SLF1: variants seen among roughly 807,000 people sequenced by gnomAD.
SLF1 encodes the protein SMC5/6 complex localization factor 1, also known as SMC5-SMC6 complex localization factor protein 1.
SLF1 carries 105 observed loss-of-function variants against 123.0 expected under a neutral mutation model. The observed-to-expected ratio is 0.85, with a 90% CI of 0.73 to 1.00. SLF1 has a LOEUF of 1.00. Among genes scored for constraint, SLF1 ranks in the 50% least tolerant of loss-of-function variants. SLF1 has a pLI of 0.00. For synonymous variants in SLF1, 434 were observed against 406.6 expected (o/e 1.07, Z -0.81); for missense variants, 1,239 against 1,223.0 (o/e 1.01, Z -0.20).
At chr5:94,632,526 T>C (rs1421810320) in intron 4 of SLF1, among the ~76,000 whole-genome samples, 1 of 152,344 alleles carries the variant, frequency 6.6e-6, no homozygotes, top group African/African-American at 2.4e-5. Flanking sequence ...TGTTCTTTAA[T>C]GTCTTATAGT....
At chr5:94,650,831 A>G (rs1219739348) in intron 6 of SLF1, among the ~76,000 whole-genome samples, 3 of 152,214 alleles carry the variant, frequency 2.0e-5, no homozygotes, top group Admixed American at 6.5e-5. Flanking sequence ...CTTGTGAAAT[A>G]TACATTGTAA....
intron 1 of SLF1, among the ~76,000 whole-genome samples, chr5:94,621,726 A>G (rs907149794): frequency 6.6e-6 from 1 of 151,740 alleles, no homozygotes; most frequent in Non-Finnish European, 1.5e-5. Flanking sequence ...TTTTTTTCTC[A>G]CCATATTCAC....
At chr5:94,674,097 T>C (rs1298366176) in intron 14 of SLF1, among the ~76,000 whole-genome samples, 1 of 151,228 alleles carries the variant, frequency 6.6e-6, no homozygotes, top group Non-Finnish European at 1.5e-5. Flanking sequence ...CATCTGTCTT[T>C]TTATTTACTT....
intron 20 of SLF1, among the ~76,000 whole-genome samples, chr5:94,694,347 A>G (rs1339187005): frequency 6.6e-6 from 1 of 151,924 alleles, no homozygotes; most frequent in Non-Finnish European, 1.5e-5. Context: ...AGCAAGGGTA[A>G]TATGAAAACT....
intron 4 of SLF1, among the ~76,000 whole-genome samples, chr5:94,635,799 A>G (rs1561427363): frequency 2.0e-5 from 3 of 152,134 alleles, no homozygotes; most frequent in Middle Eastern, 3.2e-3. Flanking sequence ...AGATTTGTCT[A>G]TTAACCACTG....
intron 4 of SLF1, among the ~76,000 whole-genome samples, chr5:94,635,122 C>T (rs1445073547): frequency 6.8e-6 from 1 of 147,224 alleles, no homozygotes; most frequent in African/African-American, 2.5e-5. Flanking sequence ...AGACTAATGT[C>T]CTGTAGTTTA....
At chr5:94,641,004 T>C (rs927481291) in intron 4 of SLF1, among the ~76,000 whole-genome samples, 7 of 152,200 alleles carry the variant, frequency 4.6e-5, no homozygotes, top group African/African-American at 1.7e-4. Flanking sequence ...TTTTGTATGT[T>C]GTGTATTTTT....
chr5:94,655,612 T>A (rs1675250423), intron 9 of SLF1, among the ~76,000 whole-genome samples: 1 of 152,150 alleles, frequency 6.6e-6, no homozygotes, highest in Admixed American at 6.5e-5. Flanking sequence ...TGTGTCCATG[T>A]CGATTTCTTT....
At chr5:94,624,239 C>T (rs865965566) in intron 1 of SLF1, among the ~76,000 whole-genome samples, 20 of 152,074 alleles carry the variant, frequency 1.3e-4, no homozygotes, top group Admixed American at 1.3e-4. Context: ...CTTCCCTTTC[C>T]TCCGCATGTT....
intron 9 of SLF1, 89 bp downstream of exon 9, chr5:94,654,841 G>A (rs1748188567): frequency 2.2e-6 from 2 of 926,226 alleles, no homozygotes; most frequent in Non-Finnish European, 1.4e-6. Context: ...ATATACATAT[G>A]ATTCATTAGT....
At chr5:94,664,231 A>G (rs1184827374) in intron 11 of SLF1, among the ~76,000 whole-genome samples, 1 of 152,214 alleles carries the variant, frequency 6.6e-6, no homozygotes, top group Non-Finnish European at 1.5e-5. Flanking sequence ...ACATTTGGTA[A>G]ATTACTCCAT....
At chr5:94,643,642 T>G (rs3756470) in intron 5 of SLF1, among the ~76,000 whole-genome samples, 5,515 of 152,180 alleles carry the variant, frequency 0.036, 225 homozygotes, top group East Asian at 0.21. Context: ...GCTTACTAGT[T>G]AAGTTTAACA....
chr5:94,678,555 A>G (rs1454402513), intron 14 of SLF1: 1 of 262,406 alleles, frequency 3.8e-6, no homozygotes, highest in African/African-American at 2.2e-5. Flanking sequence ...GGATAAAATT[A>G]AAGTTTATTC....
At position 94,654,767 on chromosome 5, in the gene SLF1, A is replaced by G. The variant is rs1455308678; in HGVS notation, c.1155+15A>G. On this transcript the variant is annotated intron_variant, in intron 9 of 20. Coordinates refer to ENST00000265140, the MANE Select transcript of SLF1 (RefSeq NM_032290.4). Reference sequence around the variant, plus strand: ...ATAGAGCTCAGGTAAAACTTGGCACATGAAAAATTTTGTATAATATCGTGT... The same window carrying G: ...ATAGAGCTCAGGTAAAACTTGGCACGTGAAAAATTTTGTATAATATCGTGT... The G allele has an allele frequency of 4.0e-6, 6 of 1,483,716 alleles. No individual in the cohort carries two copies. The highest frequency in any genetic ancestry group is 2.6e-5 in the East Asian group (1 of 39,184). 91.9% of individuals were successfully genotyped at this position (1,483,716 alleles called of 1,614,324 possible). A position where few individuals can be genotyped will look rare whatever the true frequency, so the allele number is the denominator to read the frequency against.
chr5:94,686,048 T>G (rs553882295), intron 15 of SLF1, among the ~76,000 whole-genome samples: 15 of 152,188 alleles, frequency 9.9e-5, no homozygotes, highest in Non-Finnish European at 1.5e-4. Context: ...TGTTTCATGT[T>G]TTTCTTCTTT....
At chr5:94,623,439 A>G (rs987773811) in intron 1 of SLF1, among the ~76,000 whole-genome samples, 4 of 152,186 alleles carry the variant, frequency 2.6e-5, no homozygotes, top group African/African-American at 7.2e-5. Context: ...TTTTGACAGT[A>G]AAAATAAAAC....
intron 8 of SLF1, among the ~76,000 whole-genome samples, chr5:94,653,709 C>A (rs1561444535): frequency 6.6e-6 from 1 of 152,152 alleles, no homozygotes; most frequent in East Asian, 1.9e-4. Flanking sequence ...ATGAAAAAAT[C>A]TTTAAAACTA....
chr5:94,663,691 A>T lies in SLF1; in HGVS notation c.1210-59A>T, dbSNP rs949052172. 2.3e-6 allele frequency: 3 copies of T among 1,302,900 alleles called. No homozygotes were observed. The Admixed American group carries it at 8.8e-5, about 38-fold the overall frequency. 80.7% of individuals were successfully genotyped at this position (1,302,900 alleles called of 1,614,324 possible). On this transcript the variant is annotated intron_variant, in intron 10 of 20. Coordinates refer to ENST00000265140, the MANE Select transcript of SLF1 (RefSeq NM_032290.4). ...AATAATAAATTCTTACTAATTCATG[A>T]TTTGATTGCAAAATTTTATCTTTCT... is the stretch of plus-strand genomic sequence containing the variant.
intron 13 of SLF1, 25 bp from the exon 14 acceptor site, chr5:94,670,818 T>G (rs546525071): frequency 1.3e-6 from 2 of 1,516,902 alleles, no homozygotes; most frequent in Non-Finnish European, 1.8e-6. Flanking sequence ...CTTAAAGATA[T>G]ACTTTTTGTT....
Sources: allele counts gnomAD v4.1 joint callset (sites outside exome capture counted in the v4.1 genomes callset), GRCh38; gene constraint gnomAD v4.1.1; transcripts MANE v1.5; gene names NCBI Gene and HGNC (gene_info 2026-07-23, HGNC 2026-07-21).